Variants in PRKD1 observed in about 807,000 individuals in gnomAD.
PRKD1 encodes protein kinase D1.
In PRKD1, 63 loss-of-function variants were observed where a neutral mutation model predicts 95.9. The observed-to-expected ratio is 0.66, with a 90% CI of 0.54 to 0.81. PRKD1 has a LOEUF of 0.81. Among genes scored for constraint, PRKD1 ranks in the 30% least tolerant of loss-of-function variants. The pLI is 0.00. For synonymous variants in PRKD1, 425 were observed against 423.1 expected, an observed-to-expected ratio of 1.00 and a Z score of -0.05; for missense variants, 1,048 against 1,165.3, an observed-to-expected ratio of 0.90 and a Z score of 1.47.
chr14:29,791,299 C>G (rs927526404), intron 1 of PRKD1, among the ~76,000 whole-genome samples: 2 of 151,992 alleles, frequency 1.3e-5, no homozygotes, highest in African/African-American at 4.8e-5. Context: ...TATGTGTTAC[C>G]TTAATTATTT....
At chr14:29,727,019 T>C (rs946954770) in intron 1 of PRKD1, among the ~76,000 whole-genome samples, 4 of 152,188 alleles carry the variant, frequency 2.6e-5, no homozygotes, top group Non-Finnish European at 4.4e-5. Flanking sequence ...CCACCAACAG[T>C]GTAAAAGTGC....
At chr14:29,684,560 T>C (rs1410553158) in intron 2 of PRKD1, among the ~76,000 whole-genome samples, 2 of 152,188 alleles carry the variant, frequency 1.3e-5, no homozygotes, top group Non-Finnish European at 2.9e-5. Flanking sequence ...AGTGAGGAAA[T>C]ATTTGTTTTG....
intron 4 of PRKD1, among the ~76,000 whole-genome samples, chr14:29,643,257 T>C (rs1330238877): frequency 6.6e-6 from 1 of 151,858 alleles, no homozygotes; most frequent in Non-Finnish European, 1.5e-5. Context: ...CATAAAGGTA[T>C]TTTTTGTGTT....
At chr14:29,591,998 T>C (rs547231553) in intron 16 of PRKD1, among the ~76,000 whole-genome samples, 2 of 152,192 alleles carry the variant, frequency 1.3e-5, no homozygotes, top group Non-Finnish European at 2.9e-5. Context: ...TAAGTGATAC[T>C]GAGCTGCCCT....
chr14:29,765,365 T>A (rs1888210668), intron 1 of PRKD1, among the ~76,000 whole-genome samples: 1 of 150,628 alleles, frequency 6.6e-6, no homozygotes, highest in Non-Finnish European at 1.5e-5. Context: ...ACCTGAATAC[T>A]TTAGTATCGA....
intron 1 of PRKD1, among the ~76,000 whole-genome samples, chr14:29,806,529 A>T (rs1890242578): frequency 6.6e-6 from 1 of 152,200 alleles, no homozygotes; most frequent in African/African-American, 2.4e-5. Flanking sequence ...CATCATGCAG[A>T]TTACATTACA....
chr14:29,791,494 G>A (rs565310208), intron 1 of PRKD1, among the ~76,000 whole-genome samples: 9 of 152,092 alleles, frequency 5.9e-5, no homozygotes, highest in Admixed American at 2.0e-4. Context: ...TTTCCTACCC[G>A]TCAATTCCAG....
intron 16 of PRKD1, chr14:29,592,851 C>T (rs557098200): frequency 6.6e-6 from 1 of 152,206 alleles, no homozygotes; most frequent in East Asian, 1.9e-4. Flanking sequence ...TTTCCTAGTA[C>T]TTTTAGAAAT....
At chr14:29,601,165 G>A (rs1212548688) in intron 13 of PRKD1, among the ~76,000 whole-genome samples, 1 of 152,194 alleles carries the variant, frequency 6.6e-6, no homozygotes, top group African/African-American at 2.4e-5. Flanking sequence ...ATGCTGGGTG[G>A]TGAGCAGCAG....
At chr14:29,831,859 A>G (rs538167313) in intron 1 of PRKD1, among the ~76,000 whole-genome samples, 1 of 152,284 alleles carries the variant, frequency 6.6e-6, no homozygotes, top group East Asian at 1.9e-4. Context: ...TTATTCATGT[A>G]CATGTTAGAT....
intron 2 of PRKD1, among the ~76,000 whole-genome samples, chr14:29,682,430 T>G (rs1883589830): frequency 6.6e-6 from 1 of 152,198 alleles, no homozygotes; most frequent in African/African-American, 2.4e-5. Context: ...TAACATAATT[T>G]TATTCTTTTG....
chr14:29,851,700 A>G (rs1892313202), intron 1 of PRKD1, among the ~76,000 whole-genome samples: 2 of 152,168 alleles, frequency 1.3e-5, no homozygotes, highest in Non-Finnish European at 2.9e-5. Flanking sequence ...TAAAAATAGA[A>G]CTATCACTCA....
chr14:29,674,054 G>T (rs756774090), intron 2 of PRKD1, among the ~76,000 whole-genome samples: 1 of 152,086 alleles, frequency 6.6e-6, no homozygotes, highest in South Asian at 2.1e-4. Flanking sequence ...TTGGCATACC[G>T]GTGGGAGCTG....
intron 1 of PRKD1, among the ~76,000 whole-genome samples, chr14:29,771,627 G>T (rs555147979): frequency 6.6e-6 from 1 of 152,268 alleles, no homozygotes; most frequent in South Asian, 2.1e-4. Context: ...GCAATGCCCA[G>T]TGAAGCCATG....
At chr14:29,798,926 TC>T (rs1889920328) in intron 1 of PRKD1, among the ~76,000 whole-genome samples, 1 of 152,236 alleles carries the variant, frequency 6.6e-6, no homozygotes, top group Non-Finnish European at 1.5e-5. Flanking sequence ...ACCCCCTCTG[TC>T]CTTGAGTTCT....
chr14:29,850,777 C>T (rs1274077668), intron 1 of PRKD1, among the ~76,000 whole-genome samples: 1 of 151,752 alleles, frequency 6.6e-6, no homozygotes. Flanking sequence ...CAAAGCAATC[C>T]TAAGCAAAAA....
intron 2 of PRKD1, among the ~76,000 whole-genome samples, chr14:29,698,293 CA>C (rs1566546261): frequency 6.6e-6 from 1 of 152,048 alleles, no homozygotes; most frequent in Non-Finnish European, 1.5e-5. Context: ...TTCAGGATGT[CA>C]TTTTTTAATG....
At chr14:29,648,258 G>A (rs1035899838) in intron 4 of PRKD1, among the ~76,000 whole-genome samples, 6 of 150,718 alleles carry the variant, frequency 4.0e-5, no homozygotes, top group African/African-American at 1.5e-4. Flanking sequence ...CCCCCCTTTG[G>A]TGCTCTGTAT....
chr14:29,748,503 C>G (rs1286262205), intron 1 of PRKD1, among the ~76,000 whole-genome samples: 3 of 152,156 alleles, frequency 2.0e-5, no homozygotes, highest in Non-Finnish European at 4.4e-5. Context: ...GTGGAGAGAG[C>G]TATCAACTGA....
Sources: allele counts gnomAD v4.1 joint callset (sites outside exome capture counted in the v4.1 genomes callset), GRCh38; gene constraint gnomAD v4.1.1; transcripts MANE v1.5; gene names NCBI Gene and HGNC (gene_info 2026-07-23, HGNC 2026-07-21).